Variants in TCERG1L observed in about 807,000 individuals in gnomAD.
The protein encoded by TCERG1L is transcription elongation regulator 1 like.
A neutral mutation model predicts 56.3 loss-of-function variants in TCERG1L; 37 were observed. That is an observed-to-expected ratio of 0.66 (90% CI 0.51 to 0.87). The LOEUF (loss-of-function observed/expected upper bound fraction) is 0.87, where lower values mean the gene tolerates loss of function less well. Ranked by LOEUF, TCERG1L falls within the 40% of genes least tolerant of loss-of-function variation. The pLI, the probability that TCERG1L is intolerant of heterozygous loss-of-function variation, is 0.00. For synonymous variants in TCERG1L, 324 were observed against 326.3 expected (o/e 0.99, Z 0.08); for missense variants, 799 against 774.2 (o/e 1.03, Z -0.38).
chr10:131,248,104 CAT>C lies in TCERG1L; in HGVS notation c.856+12153_856+12154del, dbSNP rs201478827. ...ATATGCACACACACACATGCACACA[CAT>C]GATACACACACTGGTAAATTCACAC... On this transcript the variant is annotated intron_variant, in intron 4 of 11. Transcript: ENST00000368642. Among the ~76,000 whole-genome samples, 1,078 of 152,054 alleles carry C rather than the reference CAT, an allele frequency of 7.1e-3. 18 individuals are homozygous for C. The highest frequency in any genetic ancestry group is 0.025 in the African/African-American group (1,018 of 41,462).
At chr10:131,248,960 C>T (rs902162342) in intron 4 of TCERG1L, among the ~76,000 whole-genome samples, 2 of 152,196 alleles carry the variant, frequency 1.3e-5, no homozygotes, top group African/African-American at 2.4e-5. Flanking sequence ...CAGGACCAGC[C>T]GCCCCGGGGA....
At chr10:131,274,413 G>A (rs762094527) in intron 3 of TCERG1L, among the ~76,000 whole-genome samples, 1 of 152,186 alleles carries the variant, frequency 6.6e-6, no homozygotes, top group African/African-American at 2.4e-5. Flanking sequence ...GAGATCAGCC[G>A]ACGTATGAGT....
rs367553020 is a variant in TCERG1L at position 131,204,396 on chromosome 10, T to C, written c.857-37511A>G. On this transcript the variant is annotated intron_variant, in intron 4 of 11. Coordinates refer to ENST00000368642, the MANE Select transcript of TCERG1L (RefSeq NM_174937.4). ...CAAGCAGGCTCAGGAAACTGGCACCTGCCCCCCCACCCTGCCCCCGCATCT... is the reference window on the plus strand; with the variant it reads ...CAAGCAGGCTCAGGAAACTGGCACCCGCCCCCCCACCCTGCCCCCGCATCT... Among the ~76,000 whole-genome samples the C allele has an allele frequency of 9.5e-4, 145 of 151,942 alleles. No individual in the cohort carries two copies. In the East Asian group the frequency reaches 0.018, roughly 19 times the overall value.
At chr10:131,232,432 C>G (rs946461732) in intron 4 of TCERG1L, among the ~76,000 whole-genome samples, 1 of 152,220 alleles carries the variant, frequency 6.6e-6, no homozygotes, top group African/African-American at 2.4e-5. Context: ...CAGTGGCTAA[C>G]AGGCAGTGCA....
At chr10:131,099,872 CT>C (rs879828134) in intron 10 of TCERG1L, among the ~76,000 whole-genome samples, 150 of 150,748 alleles carry the variant, frequency 1.0e-3, no homozygotes, top group Non-Finnish European at 1.4e-3. Flanking sequence ...TCTTTTCTTT[CT>C]TTTTTTTTGA....
At chr10:131,225,403 T>A (rs1253665173) in intron 4 of TCERG1L, among the ~76,000 whole-genome samples, 1 of 152,156 alleles carries the variant, frequency 6.6e-6, no homozygotes, top group Non-Finnish European at 1.5e-5. Flanking sequence ...TGTTTGTAAG[T>A]ACACCATTCT....
At chr10:131,097,791 T>C (rs1160805614) in intron 11 of TCERG1L, among the ~76,000 whole-genome samples, 1 of 152,268 alleles carries the variant, frequency 6.6e-6, no homozygotes, top group Non-Finnish European at 1.5e-5. Flanking sequence ...ATTATTTTAG[T>C]AAGTTTTGGC....
chr10:131,210,890 C>T (rs1244764751), intron 4 of TCERG1L, among the ~76,000 whole-genome samples: 1 of 152,176 alleles, frequency 6.6e-6, no homozygotes, highest in Non-Finnish European at 1.5e-5. Context: ...GGCAAGCCAC[C>T]GAAACAGCAA....
Position 131,136,102 on chromosome 10 carries a change from A to T in TCERG1L, c.1190-1654T>A, listed in dbSNP as rs375475249. Among the ~76,000 whole-genome samples the T allele has an allele frequency of 5.3e-5, 8 of 152,334 alleles. No individual in the cohort carries two copies. The South Asian group carries it at 1.7e-3, about 32-fold the overall frequency. The stretch of plus-strand genomic sequence containing the variant: ...GAAGTTCCCAAATGTCCACAGGGGT[A>T]AATTTGCCCTCCCCAGTTGAGAGCC... On this transcript the variant is annotated intron_variant, in intron 7 of 11. Coordinates refer to ENST00000368642, the MANE Select transcript of TCERG1L (RefSeq NM_174937.4).
chr10:131,120,134 C>G (rs1041004989), intron 8 of TCERG1L, among the ~76,000 whole-genome samples: 1 of 152,104 alleles, frequency 6.6e-6, no homozygotes, highest in South Asian at 2.1e-4. Context: ...CTGAGCTTGC[C>G]AATCGATCTG....
intron 4 of TCERG1L, among the ~76,000 whole-genome samples, chr10:131,250,546 G>C (rs1225427143): frequency 6.6e-6 from 1 of 152,170 alleles, no homozygotes; most frequent in Admixed American, 6.5e-5. Flanking sequence ...ATCCTGAGGA[G>C]ACACACATGG....
chr10:131,135,523 C>A (rs1464495496), intron 7 of TCERG1L, among the ~76,000 whole-genome samples: 1 of 152,226 alleles, frequency 6.6e-6, no homozygotes, highest in Non-Finnish European at 1.5e-5. Context: ...GCTCTGTTAC[C>A]AGCTCACAGT....
chr10:131,154,945 T>C (rs1845903933), intron 6 of TCERG1L, among the ~76,000 whole-genome samples: 1 of 152,176 alleles, frequency 6.6e-6, no homozygotes, highest in South Asian at 2.1e-4. Flanking sequence ...CATAAATCGA[T>C]AGGGCTAGTG....
At chr10:131,140,688 G>A (rs757783327) in intron 7 of TCERG1L, among the ~76,000 whole-genome samples, 7 of 152,224 alleles carry the variant, frequency 4.6e-5, no homozygotes, top group Non-Finnish European at 1.0e-4. Context: ...GCAGGGACTG[G>A]GCCAGAACTC....
chr10:131,248,630 G>A (rs1022472459), intron 4 of TCERG1L, among the ~76,000 whole-genome samples: 16 of 152,156 alleles, frequency 1.1e-4, no homozygotes, highest in Admixed American at 6.5e-4. Context: ...AGCCTAGTTC[G>A]GGACAGGCAG....
Position 131,260,074 on chromosome 10 carries a change from G to T in TCERG1L, c.856+185C>A, listed in dbSNP as rs1846218761. Among the ~76,000 whole-genome samples the T allele has an allele frequency of 6.6e-6, 1 of 152,276 alleles. No individual in the cohort carries two copies. Among genetic ancestry groups the T allele is most frequent in the African/African-American group, 2.4e-5 (1 of 41,484 alleles). On this transcript the variant is annotated intron_variant, in intron 4 of 11. Coordinates refer to ENST00000368642, the MANE Select transcript of TCERG1L (RefSeq NM_174937.4). This position sits in a 1 kb window ranked among gnomAD's most constrained non-coding sequence, Gnocchi z 5.8. ...GGACCTGACAAGGTGGCTCAGTGGA[G>T]TCGGGTCGATTTGCAGGGTCCGAAG...
chr10:131,195,147 T>G (rs1845345166), intron 4 of TCERG1L, among the ~76,000 whole-genome samples: 1 of 152,164 alleles, frequency 6.6e-6, no homozygotes. Context: ...CAGGTGAATA[T>G]TTTTATTTCT....
intron 5 of TCERG1L, among the ~76,000 whole-genome samples, chr10:131,164,572 A>G (rs1846012360): frequency 6.6e-6 from 1 of 152,212 alleles, no homozygotes; most frequent in Non-Finnish European, 1.5e-5. Flanking sequence ...AGCTGTTTCC[A>G]TGGTTTTAAT....
intron 9 of TCERG1L, among the ~76,000 whole-genome samples, chr10:131,113,804 C>A (rs1209790147): frequency 7.0e-6 from 1 of 141,974 alleles, no homozygotes; most frequent in African/African-American, 2.5e-5. Context: ...TCTCTCCTGG[C>A]CCCTGGGTGA....
Sources: allele counts gnomAD v4.1 joint callset (sites outside exome capture counted in the v4.1 genomes callset), GRCh38; gene constraint gnomAD v4.1.1; non-coding constraint Gnocchi (gnomAD v3.1); transcripts MANE v1.5; gene names NCBI Gene and HGNC (gene_info 2026-07-23, HGNC 2026-07-21).